Variants in EIPR1 observed in about 807,000 individuals in gnomAD.
The protein encoded by EIPR1 is EARP and GARP complex-interacting protein 1.
A neutral mutation model predicts 48.1 loss-of-function variants in EIPR1; 25 were observed. The ratio of observed to expected loss-of-function variants is 0.52; its 90% CI spans 0.38 to 0.73. The LOEUF (loss-of-function observed/expected upper bound fraction) is 0.73. EIPR1 is among the 30% of genes least tolerant of loss of function. The probability of loss-of-function intolerance (pLI) is 0.00; values close to 1 mark genes in which losing one functional copy is unlikely to be tolerated. For synonymous variants in EIPR1, 204 were observed against 201.9 expected, an observed-to-expected ratio of 1.01 and a Z score of -0.09; for missense variants, 415 against 506.2, an observed-to-expected ratio of 0.82 and a Z score of 1.73.
chr2:3,209,271 A>C (rs1423201024), intron 5 of EIPR1, among the ~76,000 whole-genome samples: 2 of 152,204 alleles, frequency 1.3e-5, no homozygotes. Flanking sequence ...AAGCCAGGAA[A>C]CACCACCAAA....
chr2:3,307,488 CTG>C (rs887366322), intron 3 of EIPR1, among the ~76,000 whole-genome samples: 1 of 152,214 alleles, frequency 6.6e-6, no homozygotes, highest in African/African-American at 2.4e-5. Flanking sequence ...GAGACTGTCT[CTG>C]TGCAATAGAA....
chr2:3,318,116 T>C (rs569166438), intron 3 of EIPR1, among the ~76,000 whole-genome samples: 1 of 152,346 alleles, frequency 6.6e-6, no homozygotes, highest in East Asian at 1.9e-4. Context: ...CACCTCCAAG[T>C]GGAACCGCTG....
At chr2:3,326,994 T>C (rs1477739758) in intron 3 of EIPR1, among the ~76,000 whole-genome samples, 3 of 152,180 alleles carry the variant, frequency 2.0e-5, no homozygotes, top group African/African-American at 7.2e-5. Flanking sequence ...CCAGGGTGCT[T>C]GGCACAGAGG....
At chr2:3,368,558 T>G (rs1385410328) in intron 1 of EIPR1, among the ~76,000 whole-genome samples, 1 of 152,176 alleles carries the variant, frequency 6.6e-6, no homozygotes, top group Non-Finnish European at 1.5e-5. Context: ...GGTTCACTGT[T>G]CCCATCACAA....
At chr2:3,366,977 G>A (rs1227080787) in intron 1 of EIPR1, among the ~76,000 whole-genome samples, 2 of 152,030 alleles carry the variant, frequency 1.3e-5, no homozygotes, top group African/African-American at 4.8e-5. Flanking sequence ...CCTGGGAGGT[G>A]GAGGTTGCAG....
chr2:3,207,874 A>G (rs1459658552), intron 5 of EIPR1: 1 of 152,310 alleles, frequency 6.6e-6, no homozygotes, highest in African/African-American at 2.4e-5. Context: ...TAGTTTTATG[A>G]TATTAAAACT....
intron 3 of EIPR1, among the ~76,000 whole-genome samples, chr2:3,262,598 T>C (rs1160346681): frequency 6.6e-6 from 1 of 152,198 alleles, no homozygotes; most frequent in Non-Finnish European, 1.5e-5. Flanking sequence ...GCAGCCCTGC[T>C]TCTGGGGACG....
chr2:3,253,106 G>A (rs1667051556), intron 4 of EIPR1, among the ~76,000 whole-genome samples: 1 of 152,156 alleles, frequency 6.6e-6, no homozygotes, highest in African/African-American at 2.4e-5. Context: ...GCCACCTGAA[G>A]TTTCCTCTGC....
chr2:3,268,741 A>G (rs1572378025), intron 3 of EIPR1, among the ~76,000 whole-genome samples: 1 of 152,084 alleles, frequency 6.6e-6, no homozygotes, highest in African/African-American at 2.4e-5. Flanking sequence ...AAACAACACA[A>G]GTGCACAGGG....
intron 3 of EIPR1, chr2:3,301,339 G>A (rs1199331035): frequency 6.6e-6 from 1 of 152,172 alleles, no homozygotes; most frequent in Admixed American, 6.5e-5. Flanking sequence ...ACTCCAAGGA[G>A]AACTGGCCTT....
At chr2:3,195,457 T>A (rs1664773571) in intron 6 of EIPR1, among the ~76,000 whole-genome samples, 1 of 152,242 alleles carries the variant, frequency 6.6e-6, no homozygotes, top group African/African-American at 2.4e-5. Context: ...TTCATCTTTT[T>A]CTCTCACATT....
chr2:3,227,874 C>T (rs758172035), intron 4 of EIPR1, among the ~76,000 whole-genome samples: 23 of 152,218 alleles, frequency 1.5e-4, no homozygotes, highest in Non-Finnish European at 2.5e-4. Context: ...CACATGGTAC[C>T]GAGCCCGTGG....
intron 1 of EIPR1, among the ~76,000 whole-genome samples, chr2:3,357,462 T>C (rs1670756810): frequency 6.6e-6 from 1 of 152,218 alleles, no homozygotes; most frequent in African/African-American, 2.4e-5. Context: ...AAACATAACC[T>C]ACCTTAATAT....
rs79291579 is a variant in EIPR1 at position 3,205,826 on chromosome 2, C to T, written c.516+8323G>A. Among the ~76,000 whole-genome samples the T allele has an allele frequency of 1.3e-3, 202 of 152,254 alleles. 2 individuals carry two copies. In the East Asian group the frequency reaches 0.03, roughly 23 times the overall value. Reference sequence around the variant, plus strand: ...CAGCTCCTATAACTCACGCACGTGACAATATTAAAGGACCCACGCTGCAGG... The same window carrying T: ...CAGCTCCTATAACTCACGCACGTGATAATATTAAAGGACCCACGCTGCAGG... On this transcript the variant is annotated intron_variant, in intron 5 of 8. Coordinates refer to ENST00000382125, the MANE Select transcript of EIPR1 (RefSeq NM_003310.5).
At chr2:3,279,655 C>T (rs920081107) in intron 3 of EIPR1, among the ~76,000 whole-genome samples, 1 of 152,196 alleles carries the variant, frequency 6.6e-6, no homozygotes, top group Admixed American at 6.5e-5. Flanking sequence ...TCAACAGAAG[C>T]GAGTTTAAAG....
chr2:3,350,586 G>C (rs1670542080), intron 2 of EIPR1, among the ~76,000 whole-genome samples: 1 of 152,178 alleles, frequency 6.6e-6, no homozygotes, highest in Non-Finnish European at 1.5e-5. Context: ...TTCAGGTTTT[G>C]TGTACCCAGC....
intron 2 of EIPR1, among the ~76,000 whole-genome samples, chr2:3,340,008 T>C (rs570959501): frequency 2.6e-5 from 4 of 152,330 alleles, no homozygotes; most frequent in African/African-American, 9.6e-5. Flanking sequence ...GCTTCGGCCA[T>C]GTGAGGCGGC....
chr2:3,325,453 G>T (rs893684544), intron 3 of EIPR1, among the ~76,000 whole-genome samples: 1 of 152,158 alleles, frequency 6.6e-6, no homozygotes, highest in African/African-American at 2.4e-5. Context: ...ACAGTGAAGC[G>T]GTGACAGGAA....
intron 4 of EIPR1, among the ~76,000 whole-genome samples, chr2:3,238,165 G>C (rs1304172975): frequency 6.6e-6 from 1 of 152,178 alleles, no homozygotes; most frequent in Non-Finnish European, 1.5e-5. Flanking sequence ...AAACCTCCAA[G>C]AGATGTCTAA....
Sources: allele counts gnomAD v4.1 joint callset (sites outside exome capture counted in the v4.1 genomes callset), GRCh38; gene constraint gnomAD v4.1.1; transcripts MANE v1.5; gene names NCBI Gene and HGNC (gene_info 2026-07-23, HGNC 2026-07-21).